Variants in ARMC6 observed in about 807,000 individuals in gnomAD.
ARMC6 encodes the protein armadillo repeat-containing protein 6.
A neutral mutation model predicts 49.2 loss-of-function variants in ARMC6; 43 were observed. That is an observed-to-expected ratio of 0.87 (90% confidence interval 0.69 to 1.13). The LOEUF is 1.13. ARMC6 is among the 50% of genes most tolerant of loss of function. The pLI is 0.00. For synonymous variants in ARMC6, 262 were observed against 289.6 expected, an observed-to-expected ratio of 0.90 and a Z score of 0.97; for missense variants, 627 against 682.0, an observed-to-expected ratio of 0.92 and a Z score of 0.90.
chr19:19,052,382 A>G (rs1463805384), intron 5 of ARMC6, among the ~76,000 whole-genome samples, 187 bp downstream of exon 5: 2 of 152,180 alleles, frequency 1.3e-5, no homozygotes, highest in African/African-American at 2.4e-5. Flanking sequence ...TGGCTCCAGG[A>G]GAATTCCAGG....
intron 6 of ARMC6, 33 bp downstream of exon 6, chr19:19,054,354 CCTT>C: frequency 6.8e-7 from 1 of 1,464,300 alleles, no homozygotes. Flanking sequence ...TGCGTGCTGT[CCTT>C]CTGGGTCCCA....
At chr19:19,039,402 A>C in intron 2 of ARMC6, 1 of 451,978 alleles carries the variant, frequency 2.2e-6, no homozygotes. Context: ...CTCCTAAAGC[A>C]CTGGGATCAC....
chr19:19,046,051 G>C (rs1033747994), intron 4 of ARMC6, among the ~76,000 whole-genome samples: 13 of 152,134 alleles, frequency 8.5e-5, no homozygotes, highest in Non-Finnish European at 1.6e-4. Flanking sequence ...CCACGCCCCT[G>C]CACCCCGAAA....
rs760969151 is a variant in ARMC6 at position 19,034,251 on chromosome 19, AAAT to A, written c.29+19_29+21del. 7 of 1,593,530 alleles carry A rather than the reference AAAT, an allele frequency of 4.4e-6. No individual in the cohort carries two copies. Among genetic ancestry groups the A allele is most frequent in the African/African-American group, 2.7e-5 (2 of 74,982 alleles). ...GCTCTAGATACAGGTAATGGTGTGC[AAAT>A]AATAACAGAGTGATGGGACGGGAAA... On this transcript the variant is annotated intron_variant, in intron 2 of 8. Coordinates refer to ENST00000535612, the MANE Select transcript of ARMC6 (RefSeq NM_001199196.2).
In ARMC6 at chr19:19,057,505, C is replaced by T. The variant is rs892711583; in HGVS notation, c.1383C>T (p.Ile461=). 3.1e-6 allele frequency: 5 copies of T among 1,613,958 alleles called. No homozygotes were observed. Among genetic ancestry groups the T allele is most frequent in the African/African-American group, 1.3e-5 (1 of 74,908 alleles). ...PILDLGAEAL[I]MQARSAHRDC... Reference sequence around the variant, plus strand: ...TGGACCTGGGGGCTGAGGCACTCATCATGCAGGCCCGATCTGCCCACCGTG... The same window carrying T: ...TGGACCTGGGGGCTGAGGCACTCATTATGCAGGCCCGATCTGCCCACCGTG... The change falls in exon 9 of 9, where the codon ATC becomes ATT. Residue 461 remains isoleucine, a synonymous_variant. Coordinates refer to ENST00000535612, the MANE Select transcript of ARMC6 (RefSeq NM_001199196.2).
intron 8 of ARMC6, among the ~76,000 whole-genome samples, chr19:19,056,269 T>TG (rs201320565): frequency 0.02 from 3,012 of 150,496 alleles, 103 homozygotes; most frequent in African/African-American, 0.07. Flanking sequence ...GTGGGTTTTT[T>TG]TTTTTTTTTT....
intron 4 of ARMC6, among the ~76,000 whole-genome samples, chr19:19,048,801 AAAATATGTCAGAG>A (rs2059472510): frequency 6.6e-6 from 1 of 152,202 alleles, no homozygotes; most frequent in Non-Finnish European, 1.5e-5. Flanking sequence ...GGGCCATTTC[AAAATATGTCAGAG>A]AAATATATTT....
intron 2 of ARMC6, among the ~76,000 whole-genome samples, chr19:19,036,282 G>A (rs1254960781): frequency 2.0e-5 from 3 of 152,070 alleles, no homozygotes; most frequent in East Asian, 1.9e-4. Context: ...GGCTGGTCTC[G>A]AATTCCTGAC....
At chr19:19,054,734 G>A (rs2059529087) in intron 6 of ARMC6, among the ~76,000 whole-genome samples, 1 of 152,186 alleles carries the variant, frequency 6.6e-6, no homozygotes, top group Non-Finnish European at 1.5e-5. Context: ...TCCAGCTGCA[G>A]CTGCAGGAAA....
intron 2 of ARMC6, among the ~76,000 whole-genome samples, chr19:19,037,935 A>G (rs1366503922): frequency 3.9e-5 from 6 of 152,196 alleles, no homozygotes; most frequent in Non-Finnish European, 7.3e-5. Context: ...CCTGGGCTGC[A>G]CAGCAGGAGG....
At chr19:19,045,857 T>C (rs1317912393) in intron 4 of ARMC6, among the ~76,000 whole-genome samples, 9 of 152,132 alleles carry the variant, frequency 5.9e-5, no homozygotes, top group Non-Finnish European at 1.3e-4. Context: ...TTCACCATGT[T>C]AGCCAGGATG....
At chr19:19,042,610 G>A (rs1186458633) in intron 2 of ARMC6, 101 bp from the exon 3 acceptor site, 2 of 1,249,528 alleles carry the variant, frequency 1.6e-6, no homozygotes, top group African/African-American at 1.5e-5. Flanking sequence ...TAGGGCTCTG[G>A]TCGCTGGTAG....
chr19:19,052,214 C>G lies in ARMC6; in HGVS notation c.853+19C>G. ...ACCAAAGGTAAGAGCTGGGGGCCGACACGAGCCAGCGAACAAAGTGGGCGG... is the reference window on the plus strand; with the variant it reads ...ACCAAAGGTAAGAGCTGGGGGCCGAGACGAGCCAGCGAACAAAGTGGGCGG... On this transcript the variant is annotated intron_variant, in intron 5 of 8. Transcript: ENST00000535612. 1 of 1,559,600 alleles carries G rather than the reference C, an allele frequency of 6.4e-7. No individual in the cohort carries two copies. Among genetic ancestry groups the G allele is most frequent in the African/African-American group, 1.3e-5 (1 of 74,226 alleles).
At chr19:19,036,576 T>C (rs1390216149) in intron 2 of ARMC6, among the ~76,000 whole-genome samples, 1 of 152,296 alleles carries the variant, frequency 6.6e-6, no homozygotes. Context: ...CCCCTACTCC[T>C]TACTCCCTAC....
chr19:19,055,113 C>A lies in ARMC6; in HGVS notation c.1024-152C>A. 2 of 1,026,462 alleles carry A rather than the reference C, an allele frequency of 1.9e-6. No individual in the cohort carries two copies. The highest frequency in any genetic ancestry group is 2.7e-6 in the Non-Finnish European group (2 of 732,222). 63.6% of individuals were successfully genotyped at this position (1,026,462 alleles called of 1,614,324 possible). On this transcript the variant is annotated intron_variant, in intron 6 of 8. Transcript: ENST00000535612. The surrounding 1 kb of genome is among the most constrained non-coding windows in gnomAD (Gnocchi z 5.7). ...CCGTTTGGACACAGGCAGCCTGAGC[C>A]ACAGGCATCTGCCACCCCTTCTCGT...
rs769995101 is a variant in ARMC6 at position 19,055,288 on chromosome 19, C to T, written c.1047C>T (p.Ser349=). ...GVQELVKQVL[S]TLRAIAGNDD... is the part of the protein sequence containing the mutation. ...AGGAGCTCGTGAAGCAAGTGCTGAG[C>T]ACCCTGCGAGCCATCGCAGGCAACG... is the stretch of plus-strand genomic sequence containing the variant. Residue 349 remains serine (S), a synonymous_variant, in exon 7 of 9, where the codon AGC becomes AGT. Coordinates refer to ENST00000535612, the MANE Select transcript of ARMC6 (RefSeq NM_001199196.2). The surrounding 1 kb of genome is among the most constrained non-coding windows in gnomAD (Gnocchi z 5.7). 1 of 1,609,226 alleles carries T rather than the reference C, an allele frequency of 6.2e-7. No homozygotes were observed. The highest frequency in any genetic ancestry group is 8.5e-7 in the Non-Finnish European group (1 of 1,177,524).
rs1568498200 is a variant in ARMC6, at chr19:19,055,947, G to A, written c.1293+19G>A. 1.7e-5 allele frequency: 27 copies of A among 1,600,892 alleles called. No homozygotes were observed. The highest frequency in any genetic ancestry group is 2.1e-5 in the Non-Finnish European group (25 of 1,176,870). On this transcript the variant is annotated intron_variant, in intron 8 of 8. Coordinates refer to ENST00000535612, the MANE Select transcript of ARMC6 (RefSeq NM_001199196.2). This position sits in a 1 kb window ranked among gnomAD's most constrained non-coding sequence, Gnocchi z 5.7. The stretch of plus-strand genomic sequence containing the variant: ...CGTGCAGGTGGGCAGGGCAGGGGAT[G>A]GGGGCAGGCAGGCTGGTGTGGGATG...
chr19:19,042,229 T>C (rs930826547), intron 2 of ARMC6, among the ~76,000 whole-genome samples: 2 of 152,216 alleles, frequency 1.3e-5, no homozygotes, highest in Non-Finnish European at 2.9e-5. Context: ...TGATTCCTAA[T>C]AAGATAATCA....
Position 19,038,817 on chromosome 19 carries a change from A to G in ARMC6, c.30-3894A>G, listed in dbSNP as rs146671683. Among the ~76,000 whole-genome samples, 1,261 of 152,110 alleles carry G rather than the reference A, an allele frequency of 8.3e-3. 9 individuals are homozygous for G. The highest frequency in any genetic ancestry group is 0.014 in the Middle Eastern group (4 of 294). On this transcript the variant is annotated intron_variant, in intron 2 of 8. Transcript: ENST00000535612. ...GGTGATCTGCCTGCCTTGGCCTCCC[A>G]AAGTGCTGGTATTACAGGCATGAGC...
Sources: allele counts gnomAD v4.1 joint callset (sites outside exome capture counted in the v4.1 genomes callset), GRCh38; gene constraint gnomAD v4.1.1; non-coding constraint Gnocchi (gnomAD v3.1); transcripts MANE v1.5; gene names NCBI Gene and HGNC (gene_info 2026-07-23, HGNC 2026-07-21).